Variants in CHL1 observed in about 807,000 individuals in gnomAD.
CHL1 encodes the protein cell adhesion molecule L1 like.
A neutral mutation model predicts 141.9 loss-of-function variants in CHL1; 96 were observed. That is an observed-to-expected ratio of 0.68 (90% CI 0.57 to 0.80). The LOEUF (loss-of-function observed/expected upper bound fraction) is 0.80. CHL1 is among the 30% of genes least tolerant of loss of function. CHL1 has a pLI of 0.00. For missense variants in CHL1, 1,820 were observed against 1,457.2 expected, an observed-to-expected ratio of 1.25 and a Z score of -4.05; for synonymous variants, 613 against 502.2, an observed-to-expected ratio of 1.22 and a Z score of -2.95.
In CHL1 at chr3:406,029, T is replaced by A. The variant is rs116462475; in HGVS notation, c.*318T>A. On this transcript the variant is annotated 3_prime_UTR_variant, in exon 28 of 28. Coordinates refer to ENST00000256509, the MANE Select transcript of CHL1 (RefSeq NM_006614.4). ...ATTCCATATTTGCCTGATTTTACTA[T>A]TCGGTGTGTTTGCATAGATGTTGCT... 9.2e-4 allele frequency: 245 copies of A among 265,588 alleles called. 2 individuals carry two copies. The highest frequency in any genetic ancestry group is 5.2e-3 in the African/African-American group (232 of 44,434). 16.5% of individuals were successfully genotyped at this position (265,588 alleles called of 1,614,324 possible).
At chr3:220,732 C>G (rs1306777574) in intron 1 of CHL1, among the ~76,000 whole-genome samples, 3 of 152,164 alleles carry the variant, frequency 2.0e-5, no homozygotes, top group Admixed American at 6.5e-5. Flanking sequence ...ATTTATTAGA[C>G]TACAACAATG....
chr3:334,487 CT>C (rs1701704994), intron 5 of CHL1, among the ~76,000 whole-genome samples: 1 of 152,172 alleles, frequency 6.6e-6, no homozygotes, highest in Non-Finnish European at 1.5e-5. Context: ...AATTTTCTGC[CT>C]CCTTAAATGT....
chr3:225,785 A>G (rs550065447), intron 1 of CHL1, among the ~76,000 whole-genome samples: 72 of 152,144 alleles, frequency 4.7e-4, no homozygotes, highest in African/African-American at 8.2e-4. Context: ...TGAGGTGGGC[A>G]GATCACGAGG....
intron 12 of CHL1, 52 bp from the exon 13 acceptor site, chr3:361,647 A>C: frequency 1.6e-6 from 2 of 1,241,562 alleles, no homozygotes; most frequent in Non-Finnish European, 2.4e-6. Flanking sequence ...TTTAATTTGC[A>C]TATCTTTCTT....
intron 8 of CHL1, among the ~76,000 whole-genome samples, 176 bp downstream of exon 8, chr3:343,207 T>A (rs1702478355): frequency 1.3e-5 from 2 of 151,950 alleles, no homozygotes; most frequent in Admixed American, 6.6e-5. Flanking sequence ...GCAAAGGGAG[T>A]GATTTTTATA....
intron 2 of CHL1, among the ~76,000 whole-genome samples, chr3:244,939 T>G (rs567480243): frequency 6.4e-4 from 98 of 152,310 alleles, no homozygotes; most frequent in African/African-American, 2.3e-3. Context: ...AAGTTATTTT[T>G]CTTGTTGGCT....
chr3:388,906 C>T (rs746940754), intron 19 of CHL1, among the ~76,000 whole-genome samples: 10 of 152,158 alleles, frequency 6.6e-5, no homozygotes, highest in Admixed American at 3.3e-4. Context: ...AATGAAAAGG[C>T]GGAATGTAGT....
At chr3:354,403 T>A (rs1390695612) in intron 10 of CHL1, among the ~76,000 whole-genome samples, 1 of 145,588 alleles carries the variant, frequency 6.9e-6, no homozygotes, top group Non-Finnish European at 1.5e-5. Flanking sequence ...TGTTGATGTA[T>A]GATACATGCT....
At chr3:271,463 A>C (rs968186980) in intron 2 of CHL1, among the ~76,000 whole-genome samples, 1 of 152,206 alleles carries the variant, frequency 6.6e-6, no homozygotes, top group East Asian at 1.9e-4. Context: ...ACTTTTGTAA[A>C]TTTAAATGAA....
intron 3 of CHL1, among the ~76,000 whole-genome samples, chr3:323,964 C>T (rs1248825508): frequency 6.6e-6 from 1 of 152,070 alleles, no homozygotes; most frequent in Non-Finnish European, 1.5e-5. Flanking sequence ...ATGTGATTTA[C>T]TTTAACATTG....
chr3:197,128 G>C (rs1698396045), intron 1 of CHL1, 65 bp downstream of exon 1: 1 of 152,346 alleles, frequency 6.6e-6, no homozygotes, highest in Non-Finnish European at 1.5e-5. Flanking sequence ...TCCCGTGGAG[G>C]AAGGGCTGAA....
At chr3:280,048 T>C (rs1246878287) in intron 2 of CHL1, among the ~76,000 whole-genome samples, 1 of 152,134 alleles carries the variant, frequency 6.6e-6, no homozygotes, top group Non-Finnish European at 1.5e-5. Context: ...GTTTCTATTA[T>C]CTGAAAAGAA....
intron 2 of CHL1, among the ~76,000 whole-genome samples, chr3:252,558 C>G (rs1440932663): frequency 6.6e-6 from 1 of 151,250 alleles, no homozygotes; most frequent in Non-Finnish European, 1.5e-5. Context: ...GGTTAGAAAA[C>G]TGGGCCATTG....
intron 26 of CHL1, among the ~76,000 whole-genome samples, chr3:401,049 A>G (rs1006086076): frequency 6.6e-6 from 1 of 151,784 alleles, no homozygotes; most frequent in Non-Finnish European, 1.5e-5. Flanking sequence ...CTACAGGTGT[A>G]TGCTACCATG....
At chr3:274,999 A>C (rs1264192554) in intron 2 of CHL1, among the ~76,000 whole-genome samples, 1 of 152,268 alleles carries the variant, frequency 6.6e-6, no homozygotes, top group African/African-American at 2.4e-5. Context: ...GCATTTAGAC[A>C]GTAAATTCTC....
At chr3:403,463 C>G (rs1310845703) in intron 27 of CHL1, among the ~76,000 whole-genome samples, 2 of 152,144 alleles carry the variant, frequency 1.3e-5, no homozygotes, top group East Asian at 3.8e-4. Flanking sequence ...AGGAGAATTT[C>G]TTGAACTCAG....
chr3:357,575 C>T (rs1050118280), intron 11 of CHL1, among the ~76,000 whole-genome samples: 4 of 152,268 alleles, frequency 2.6e-5, no homozygotes, highest in East Asian at 1.9e-4. Flanking sequence ...GCTGAAGTTT[C>T]GTCCATTTTA....
chr3:226,775 CAATCTTTT>C (rs149314125), intron 1 of CHL1, among the ~76,000 whole-genome samples: 7,570 of 152,048 alleles, frequency 0.05, 245 homozygotes, highest in Middle Eastern at 0.15. Context: ...TATTTTTCTC[CAATCTTTT>C]AATCTTTTAA....
At chr3:290,404 T>C (rs920944817) in intron 2 of CHL1, among the ~76,000 whole-genome samples, 4 of 152,164 alleles carry the variant, frequency 2.6e-5, no homozygotes, top group African/African-American at 9.7e-5. Context: ...TTTGCAAATA[T>C]GGAATCTGTG....
Sources: allele counts gnomAD v4.1 joint callset (sites outside exome capture counted in the v4.1 genomes callset), GRCh38; gene constraint gnomAD v4.1.1; transcripts MANE v1.5; gene names NCBI Gene and HGNC (gene_info 2026-07-23, HGNC 2026-07-21).